Variants in U2AF1L4 observed in about 807,000 individuals in gnomAD.
The protein encoded by U2AF1L4 is U2 small nuclear RNA auxiliary factor 1 like 4, also known as splicing factor U2AF 26 kDa subunit.
A neutral mutation model predicts 21.7 loss-of-function variants in U2AF1L4; 21 were observed. The observed-to-expected ratio is 0.97, with a 90% confidence interval of 0.69 to 1.39. U2AF1L4 has a LOEUF of 1.39. Ranked by LOEUF, U2AF1L4 falls within the 40% of genes most tolerant of loss-of-function variation. U2AF1L4 has a pLI of 0.00. For synonymous variants in U2AF1L4, 92 were observed against 89.7 expected, an observed-to-expected ratio of 1.03 and a Z score of -0.15; for missense variants, 259 against 245.7, an observed-to-expected ratio of 1.05 and a Z score of -0.36.
At position 35,745,178 on chromosome 19, in the gene U2AF1L4, A is replaced by C. The variant is rs201581607; in HGVS notation, c.79T>G (p.Cys27Gly). 8 of 1,613,734 alleles carry C rather than the reference A, an allele frequency of 5.0e-6. No individual in the cohort carries two copies. In the East Asian group the frequency reaches 1.3e-4, roughly 27 times the overall value. Residue 27 changes from cysteine (C) to glycine (G), a missense_variant, in exon 2 of 6, where the codon TGC becomes GGC. Transcript: ENST00000378975. The stretch of plus-strand genomic sequence containing the variant: ...CGGGAGCACCGGTCCCCGTGCCGGC[A>C]GACCCCGATCTTAAAGTAAAAAGAG... ...NCSFYFKIGVCRHGDRCSRLH... is the reference protein window; with the variant it reads ...NCSFYFKIGVGRHGDRCSRLH...
At chr19:35,744,530 A>G (rs3761087) in intron 2 of U2AF1L4, 109 bp from the exon 3 acceptor site, 241,181 of 1,595,958 alleles carry the variant, frequency 0.15, 19,433 homozygotes, top group Middle Eastern at 0.24. Flanking sequence ...CCTCCACGTC[A>G]CTCACATGAC....
In U2AF1L4 at chr19:35,745,154, G is replaced by A. The variant is rs1376460171; in HGVS notation, c.103C>T (p.Arg35Trp). ...CTGAATGTCGGCTTGTTGTGAAGCCGGGAGCACCGGTCCCCGTGCCGGCAG... is the reference window on the plus strand; with the variant it reads ...CTGAATGTCGGCTTGTTGTGAAGCCAGGAGCACCGGTCCCCGTGCCGGCAG... ...GVCRHGDRCSRLHNKPTFSQE... is the reference protein window; with the variant it reads ...GVCRHGDRCSWLHNKPTFSQE... The change falls in exon 2 of 6, where the codon CGG (arginine) becomes TGG (tryptophan). Residue 35 changes from arginine to tryptophan, a missense_variant. Coordinates refer to ENST00000378975, the MANE Select transcript of U2AF1L4 (RefSeq NM_001040425.3). The A allele has an allele frequency of 6.2e-7, 1 of 1,613,370 alleles. No homozygotes were observed. The highest frequency in any genetic ancestry group is 8.5e-7 in the Non-Finnish European group (1 of 1,180,010).
At chr19:35,742,517 C>T (rs1028576117), downstream of U2AF1L4, 1 of 1,600,420 alleles carries the variant, frequency 6.2e-7, no homozygotes, top group African/African-American at 1.3e-5. Context: ...CAAACCACAG[C>T]AAAAGCAAGT....
At chr19:35,744,744 T>C (rs980192065) in intron 2 of U2AF1L4, 1 of 1,534,366 alleles carries the variant, frequency 6.5e-7, no homozygotes, top group East Asian at 2.4e-5. Flanking sequence ...CAGGGCTGCA[T>C]GAACAGAGAG....
At position 35,742,852 on chromosome 19, in the gene U2AF1L4, C is replaced by A. The variant is rs1359314746; in HGVS notation, c.462-49G>T. The A allele has an allele frequency of 1.9e-6, 3 of 1,546,506 alleles. No homozygotes were observed. The Admixed American group carries it at 5.2e-5, about 27-fold the overall frequency. On this transcript the variant is annotated intron_variant, in intron 5 of 5. Transcript: ENST00000378975. ...TCTGTTAGAACCCTGAGGAGTGGTG[C>A]AGAGATCCTGCAGGCCTGCCTCTCT... is the stretch of plus-strand genomic sequence containing the variant.
Position 35,745,363 on chromosome 19 carries a change from C to G in U2AF1L4, c.29G>C (p.Gly10Ala). 2 of 1,614,022 alleles carry G rather than the reference C, an allele frequency of 1.2e-6. No individual in the cohort carries two copies. Among genetic ancestry groups the G allele is most frequent in the Non-Finnish European group, 1.7e-6 (2 of 1,179,976 alleles). Reference sequence around the variant, plus strand: ...CCGTTCTCACTTGTCCTTCTCAGTCCCGAATATCGAAGCTAAATATTCAGC... The same window carrying G: ...CCGTTCTCACTTGTCCTTCTCAGTCGCGAATATCGAAGCTAAATATTCAGC... Reference protein sequence around the residue: MAEYLASIFGTEKDKVNCSF... With the variant: MAEYLASIFATEKDKVNCSF... The change falls in exon 1 of 6, where the codon GGG (glycine) becomes GCG (alanine). Residue 10 changes from glycine to alanine, a missense_variant. Gly to Ala is a moderately conservative substitution (Grantham distance 60, BLOSUM62 0). Coordinates refer to ENST00000378975, the MANE Select transcript of U2AF1L4 (RefSeq NM_001040425.3).
chr19:35,744,914 T>A (rs1970495621), intron 2 of U2AF1L4: 4 of 708,370 alleles, frequency 5.6e-6, no homozygotes, highest in Non-Finnish European at 9.4e-6. Flanking sequence ...AGCCGCCGTG[T>A]GTAGCCTGTA....
chr19:35,744,405 A>G lies in U2AF1L4; in HGVS notation c.149T>C (p.Leu50Pro). The G allele has an allele frequency of 6.2e-7, 1 of 1,614,186 alleles. No individual in the cohort carries two copies. The highest frequency in any genetic ancestry group is 8.5e-7 in the Non-Finnish European group (1 of 1,180,042). Residue 50 changes from leucine (L) to proline (P), a missense_variant, in exon 3 of 6, where the codon CTG (leucine) becomes CCG (proline). Coordinates refer to ENST00000378975, the MANE Select transcript of U2AF1L4 (RefSeq NM_001040425.3). Reference protein sequence around the residue: ...PTFSQEVFTELQEKYGEIEEM... With the variant: ...PTFSQEVFTEPQEKYGEIEEM... ...TTCAATCTCCCCATACTTCTCCTGC[A>G]GTTCTGTGAACACCTCCTGTGGAAG...
At chr19:35,743,095 G>A (rs929062878) in intron 5 of U2AF1L4, 4 of 468,698 alleles carry the variant, frequency 8.5e-6, no homozygotes, top group African/African-American at 4.1e-5. Flanking sequence ...GGGAATGACC[G>A]GGCGCAGTGG....
rs936139233 is a variant in U2AF1L4 at position 35,742,770 on chromosome 19, G to A, written c.495C>T (p.Pro165=). The A allele has an allele frequency of 6.2e-7, 1 of 1,610,726 alleles. No homozygotes were observed. Residue 165 remains proline (P), a synonymous_variant, in exon 6 of 6, where the codon CCC becomes CCT. Coordinates refer to ENST00000378975, the MANE Select transcript of U2AF1L4 (RefSeq NM_001040425.3). The part of the protein sequence containing the change: ...SPPRFHTGHH[P]RERNHRCSPD... ...GGGAACACCGATGGTTCCTCTCTCG[G>A]GGATGGTGGCCAGTATGGAACCTCG...
intron 2 of U2AF1L4, chr19:35,744,718 G>T (rs1318581072): frequency 1.3e-6 from 2 of 1,535,934 alleles, no homozygotes; most frequent in Non-Finnish European, 1.7e-6. Flanking sequence ...AAGGGGCGGG[G>T]CCTGAGCTCA....
chr19:35,744,092 C>G lies in U2AF1L4; in HGVS notation c.285G>C (p.Trp95Cys). The G allele has an allele frequency of 6.2e-7, 1 of 1,614,044 alleles. No individual in the cohort carries two copies. Among genetic ancestry groups the G allele is most frequent in the African/African-American group, 1.3e-5 (1 of 75,050 alleles). Residue 95 changes from tryptophan to cysteine, a missense_variant, in exon 4 of 6, where the codon TGG becomes TGC. Coordinates refer to ENST00000378975, the MANE Select transcript of U2AF1L4 (RefSeq NM_001040425.3). ...CACCGTGCACAGCCTGCCCGTTGAA[C>G]CAGCGGTTACTGAGTTCAGCCACGG... ...ERAVAELSNRWFNGQAVHGEL... is the reference protein window; with the variant it reads ...ERAVAELSNRCFNGQAVHGEL...
At chr19:35,743,398 A>C (rs1813505998) in intron 5 of U2AF1L4, 1 of 219,688 alleles carries the variant, frequency 4.6e-6, no homozygotes. Context: ...AAAAAAAAAA[A>C]AAAAACAGTC....
At chr19:35,744,577 G>A in intron 2 of U2AF1L4, 156 bp from the exon 3 acceptor site, 6 of 1,547,168 alleles carry the variant, frequency 3.9e-6, no homozygotes, top group Non-Finnish European at 5.2e-6. Flanking sequence ...TCAGAGTGTA[G>A]CCTACTGGGG....
chr19:35,744,017 C>T lies in U2AF1L4; in HGVS notation c.360G>A (p.Glu120=), dbSNP rs1292523171. The part of the protein sequence containing the change: ...DFRESCCRQY[E]MGECTRGGFC... Reference sequence around the variant, plus strand: ...CCACCCTTGAACTACCATACCCCATCTCATACTGGCGACAGCATGACTCCC... The same window carrying T: ...CCACCCTTGAACTACCATACCCCATTTCATACTGGCGACAGCATGACTCCC... The change falls in exon 4 of 6, where the codon GAG becomes GAA. Residue 120 remains glutamate (E), a synonymous_variant. Coordinates refer to ENST00000378975, the MANE Select transcript of U2AF1L4 (RefSeq NM_001040425.3). The T allele has an allele frequency of 1.9e-6, 3 of 1,613,790 alleles. No homozygotes were observed. The highest frequency in any genetic ancestry group is 4.5e-5 in the East Asian group (2 of 44,894).
rs748310883 is a variant in U2AF1L4, at chr19:35,744,591, G to A, written c.133-170C>T. 5.8e-6 allele frequency: 9 copies of A among 1,540,040 alleles called. 1 individual carries two copies. In the South Asian group the frequency reaches 1.1e-4, roughly 18 times the overall value. On this transcript the variant is annotated intron_variant, in intron 2 of 5. Transcript: ENST00000378975. ...ATCAGAGTGTAGCCTACTGGGGGCT[G>A]TTCACCTTGCCCCCAGGCCTGGTCC...
Position 35,744,090 on chromosome 19 carries a change from A to C in U2AF1L4, c.287T>G (p.Phe96Cys), listed in dbSNP as rs1325226071. The C allele has an allele frequency of 6.2e-7, 1 of 1,613,878 alleles. No homozygotes were observed. Among genetic ancestry groups the C allele is most frequent in the African/African-American group, 1.3e-5 (1 of 74,904 alleles). ...CTCACCGTGCACAGCCTGCCCGTTGAACCAGCGGTTACTGAGTTCAGCCAC... is the reference window on the plus strand; with the variant it reads ...CTCACCGTGCACAGCCTGCCCGTTGCACCAGCGGTTACTGAGTTCAGCCAC... ...RAVAELSNRW[F>C]NGQAVHGELS... Residue 96 changes from phenylalanine (F) to cysteine (C), a missense_variant, in exon 4 of 6, where the codon TTC (phenylalanine) becomes TGC (cysteine). Phe to Cys is a radical substitution (Grantham distance 205). Transcript: ENST00000378975.
At position 35,744,116 on chromosome 19, in the gene U2AF1L4, G is replaced by A; in HGVS notation, c.261C>T (p.Ala87=). Residue 87 remains alanine, a synonymous_variant, in exon 4 of 6, where the codon GCC becomes GCT. Transcript: ENST00000378975. ...ACCAGCGGTTACTGAGTTCAGCCAC[G>A]GCCCGCTCTCCATCCTCCTCCCTCC... is the stretch of plus-strand genomic sequence containing the variant. ...KFRREEDGER[A]VAELSNRWFN... The A allele has an allele frequency of 6.2e-7, 1 of 1,613,972 alleles. No individual in the cohort carries two copies. Among genetic ancestry groups the A allele is most frequent in the Non-Finnish European group, 8.5e-7 (1 of 1,180,002 alleles).
intron 5 of U2AF1L4, chr19:35,743,099 G>A (rs1229364167): frequency 1.3e-5 from 6 of 460,860 alleles, no homozygotes; most frequent in South Asian, 5.0e-5. Flanking sequence ...ATGACCGGGC[G>A]CAGTGGTTCA....
Sources: allele counts gnomAD v4.1 joint callset, GRCh38; gene constraint gnomAD v4.1.1; transcripts MANE v1.5; gene names NCBI Gene and HGNC (gene_info 2026-07-23, HGNC 2026-07-21).